The following PRAG1 variants were observed in gnomAD, a reference collection of about 807,000 sequenced individuals.
The protein encoded by PRAG1 is inactive tyrosine-protein kinase PRAG1.
PRAG1 carries 110 observed loss-of-function variants against 95.6 expected under a neutral mutation model. The observed-to-expected ratio is 1.15, with a 90% CI of 0.99 to 1.35. PRAG1 has a LOEUF of 1.35. Among genes scored for constraint, PRAG1 ranks in the 40% most tolerant of loss-of-function variants. The pLI, the probability that PRAG1 is intolerant of heterozygous loss-of-function variation, is 0.00. For missense variants in PRAG1, 2,554 were observed against 1,864.7 expected (o/e 1.37, Z -6.81); for synonymous variants, 1,052 against 819.4 (o/e 1.28, Z -4.85).
intron 1 of PRAG1, among the ~76,000 whole-genome samples, chr8:8,383,222 G>A (rs1195768728): frequency 2.0e-5 from 3 of 152,040 alleles, no homozygotes; most frequent in African/African-American, 7.2e-5. Flanking sequence ...CATAGACAGG[G>A]GTGTTCATTC....
intron 5 of PRAG1, among the ~76,000 whole-genome samples, chr8:8,319,628 T>C (rs1016739336): frequency 6.6e-5 from 10 of 152,288 alleles, no homozygotes; most frequent in Non-Finnish European, 1.3e-4. Flanking sequence ...GGAGAAAATA[T>C]CTGCCAAAAT....
rs1200183633 is a variant in PRAG1 at position 8,337,913 on chromosome 8, C to T, written c.2320+1565G>A. 4.6e-5 allele frequency among the ~76,000 whole-genome samples: 7 copies of T among 152,122 alleles called. No individual in the cohort carries two copies. In the South Asian group the frequency reaches 6.2e-4, roughly 13 times the overall value. On this transcript the variant is annotated intron_variant, in intron 4 of 5. Transcript: ENST00000615670. ...AAGCTCATGTCCCATTTCCCCTTGCCGGTGTCTATTGAAGCATGTCAGACT... is the reference window on the plus strand; with the variant it reads ...AAGCTCATGTCCCATTTCCCCTTGCTGGTGTCTATTGAAGCATGTCAGACT...
intron 3 of PRAG1, among the ~76,000 whole-genome samples, chr8:8,357,552 A>C (rs1799720055): frequency 6.6e-6 from 1 of 152,236 alleles, no homozygotes; most frequent in Non-Finnish European, 1.5e-5. Flanking sequence ...TTTTGAAGAC[A>C]CATGTGGAGA....
In PRAG1 at chr8:8,319,032, G is replaced by C. The variant is rs373539906; in HGVS notation, c.3343C>G (p.Pro1115Ala). The change falls in exon 6 of 6, where the codon CCC becomes GCC. Residue 1115 changes from proline (P) to alanine (A), a missense_variant. Pro to Ala is a conservative substitution (Grantham distance 27, BLOSUM62 -1). Transcript: ENST00000615670. ...CACACGCGCCGCTCGTACGCCTCGGGCTCCGCCTGGTGGCTGGCCGCCGAG... is the reference window on the plus strand; with the variant it reads ...CACACGCGCCGCTCGTACGCCTCGGCCTCCGCCTGGTGGCTGGCCGCCGAG... ...RDSAASHQAE[P>A]EAYERRVCFL... 6.2e-7 allele frequency: 1 copy of C among 1,613,272 alleles called. No individual in the cohort carries two copies. Among genetic ancestry groups the C allele is most frequent in the South Asian group, 1.1e-5 (1 of 91,074 alleles).
intron 3 of PRAG1, among the ~76,000 whole-genome samples, chr8:8,372,494 G>A (rs935243287): frequency 6.6e-6 from 1 of 152,216 alleles, no homozygotes; most frequent in African/African-American, 2.4e-5. Flanking sequence ...TAGTAAGTGT[G>A]ACTTTGTGGG....
At chr8:8,329,816 G>T (rs1585224219) in intron 4 of PRAG1, among the ~76,000 whole-genome samples, 1 of 152,176 alleles carries the variant, frequency 6.6e-6, no homozygotes, top group Non-Finnish European at 1.5e-5. Context: ...AGGGAGGAGG[G>T]TCTCTCTAGG....
intron 4 of PRAG1, 41 bp downstream of exon 4, chr8:8,339,437 C>T: frequency 2.5e-6 from 4 of 1,602,288 alleles, no homozygotes; most frequent in African/African-American, 1.3e-5. Flanking sequence ...CTTGAAGGTC[C>T]AGGAGAATCT....
chr8:8,318,819 G>C lies in PRAG1; in HGVS notation c.3556C>G (p.Pro1186Ala). 10 of 1,435,428 alleles carry C rather than the reference G, an allele frequency of 7.0e-6. No individual in the cohort carries two copies. Among genetic ancestry groups the C allele is most frequent in the Non-Finnish European group, 8.2e-6 (9 of 1,092,028 alleles). 88.9% of individuals were successfully genotyped at this position (1,435,428 alleles called of 1,614,324 possible). ...AAAPPCSSAAPPAGGTLSPAA... is the reference protein window; with the variant it reads ...AAAPPCSSAAAPAGGTLSPAA... ...GGGCTGAGAGTGCCACCAGCAGGCG[G>C]GGCGGCAGAGGAGCAGGGAGGCGCG... The change falls in exon 6 of 6, where the codon CCG becomes GCG. Residue 1186 changes from proline (P) to alanine (A), a missense_variant. Coordinates refer to ENST00000615670, the MANE Select transcript of PRAG1 (RefSeq NM_001080826.3). The surrounding 1 kb of genome is among the most constrained non-coding windows in gnomAD (Gnocchi z 4.2).
intron 3 of PRAG1, among the ~76,000 whole-genome samples, chr8:8,347,186 T>C (rs751850401): frequency 1.3e-5 from 2 of 152,224 alleles, no homozygotes; most frequent in Non-Finnish European, 2.9e-5. Context: ...AGTGCTGTCC[T>C]CATCAGTGAG....
intron 3 of PRAG1, among the ~76,000 whole-genome samples, chr8:8,362,588 T>C (rs1200449047): frequency 6.6e-6 from 1 of 152,182 alleles, no homozygotes; most frequent in Non-Finnish European, 1.5e-5. Context: ...CAGAGGAGAA[T>C]GGGTGATCCT....
At chr8:8,380,778 G>A (rs1203395195) in intron 2 of PRAG1, among the ~76,000 whole-genome samples, 1 of 149,684 alleles carries the variant, frequency 6.7e-6, no homozygotes, top group Admixed American at 6.7e-5. Flanking sequence ...GCTTGAACCA[G>A]GGAGTCAGAG....
At chr8:8,375,451 C>T (rs12547958) in intron 3 of PRAG1, among the ~76,000 whole-genome samples, 7 of 151,900 alleles carry the variant, frequency 4.6e-5, no homozygotes, top group African/African-American at 1.7e-4. Context: ...CCGCCCGCCT[C>T]GGCCTCCCAA....
chr8:8,355,285 T>C (rs117884232), intron 3 of PRAG1, among the ~76,000 whole-genome samples: 1 of 152,262 alleles, frequency 6.6e-6, no homozygotes, highest in East Asian at 1.9e-4. Context: ...AATGCAAATA[T>C]ATACCATGTT....
At chr8:8,385,850 G>A (rs538844872) in intron 1 of PRAG1, among the ~76,000 whole-genome samples, 1 of 151,882 alleles carries the variant, frequency 6.6e-6, no homozygotes, top group South Asian at 2.1e-4. Context: ...GTTGCCTCTG[G>A]AGCCCCGCTG....
At position 8,319,166 on chromosome 8, in the gene PRAG1, T is replaced by C. The variant is rs943582413; in HGVS notation, c.3209A>G (p.Lys1070Arg). The change falls in exon 6 of 6, where the codon AAG becomes AGG. Residue 1070 changes from lysine to arginine, a missense_variant. Physicochemically the swap from Lys to Arg is conservative, Grantham distance 26 (BLOSUM62 2). Coordinates refer to ENST00000615670, the MANE Select transcript of PRAG1 (RefSeq NM_001080826.3). ...SSMLSSPDAP[K>R]DPVPALPTHP... is the part of the protein sequence containing the mutation. ...TGTGGGCAGGGCAGGCACAGGGTCC[T>C]TGGGCGCGTCGGGGGAGCTGAGCAT... The C allele has an allele frequency of 6.2e-7, 1 of 1,604,054 alleles. No homozygotes were observed. Among genetic ancestry groups the C allele is most frequent in the African/African-American group, 1.3e-5 (1 of 74,672 alleles).
chr8:8,319,239 T>G lies in PRAG1; in HGVS notation c.3136A>C (p.Asn1046His). 1 of 1,560,926 alleles carries G rather than the reference T, an allele frequency of 6.4e-7. No homozygotes were observed. Residue 1046 changes from asparagine to histidine, a missense_variant, in exon 6 of 6, where the codon AAC becomes CAC. Coordinates refer to ENST00000615670, the MANE Select transcript of PRAG1 (RefSeq NM_001080826.3). ...AAGTGGCCGCAGTCCTGCTGGATGT[T>G]AAAGTGCACGGGCACGGACGGGCTG... ...YCSPSVPVHF[N>H]IQQDCGHFVA...
At chr8:8,366,872 C>G (rs1800025090) in intron 3 of PRAG1, among the ~76,000 whole-genome samples, 2 of 150,472 alleles carry the variant, frequency 1.3e-5, no homozygotes, top group African/African-American at 4.9e-5. Context: ...GAGGTAGTGT[C>G]TCGCTATGTT....
chr8:8,339,451 C>A (rs773197940), intron 4 of PRAG1, 27 bp downstream of exon 4: 1 of 1,609,500 alleles, frequency 6.2e-7, no homozygotes, highest in Non-Finnish European at 8.5e-7. Flanking sequence ...AGAATCTAAG[C>A]CTCTCCGTCA....
intron 4 of PRAG1, among the ~76,000 whole-genome samples, chr8:8,336,269 T>G (rs2976963): frequency 0.41 from 61,781 of 152,010 alleles, 13,981 homozygotes; most frequent in African/African-American, 0.62. Context: ...ATGATCTCAA[T>G]GAGACATTAG....
Sources: allele counts gnomAD v4.1 joint callset (sites outside exome capture counted in the v4.1 genomes callset), GRCh38; gene constraint gnomAD v4.1.1; non-coding constraint Gnocchi (gnomAD v3.1); transcripts MANE v1.5; gene names NCBI Gene and HGNC (gene_info 2026-07-23, HGNC 2026-07-21).